The following PCDHGA4 variants were observed in gnomAD, a reference collection of about 807,000 sequenced individuals.
PCDHGA4 encodes the protein protocadherin gamma subfamily A, 4.
In PCDHGA4, 38 loss-of-function variants were observed where a neutral mutation model predicts 54.6. That is an observed-to-expected ratio of 0.70 (90% confidence interval 0.54 to 0.91). The LOEUF is 0.91. Ranked by LOEUF, PCDHGA4 falls within the 40% of genes least tolerant of loss-of-function variation. The pLI is 0.00. For missense variants in PCDHGA4, 1,298 were observed against 1,220.9 expected, an observed-to-expected ratio of 1.06 and a Z score of -0.94; for synonymous variants, 511 against 512.9, an observed-to-expected ratio of 1.00 and a Z score of 0.05.
rs1342517284 is a variant in PCDHGA4 at position 141,383,674 on chromosome 5, A to G, written c.2514+26053A>G. ...TGTCCCCGAGAATGTGCCAGTGGGT[A>G]CAAGACTGCTCACGGTACATGCTAT... On this transcript the variant is annotated intron_variant, in intron 1 of 3. Coordinates refer to ENST00000571252, the MANE Select transcript of PCDHGA4 (RefSeq NM_018917.4). 9.3e-6 allele frequency: 15 copies of G among 1,614,034 alleles called. No individual in the cohort carries two copies. The East Asian group carries it at 3.3e-4, about 36-fold the overall frequency.
At chr5:141,372,748 C>T (rs771861396) in intron 1 of PCDHGA4, 2 of 1,613,132 alleles carry the variant, frequency 1.2e-6, no homozygotes, top group East Asian at 2.2e-5. Context: ...TGTGATGAAG[C>T]CTCTTGGTTT....
intron 1 of PCDHGA4, chr5:141,375,694 C>T (rs2150065576): frequency 1.2e-6 from 2 of 1,614,232 alleles, no homozygotes; most frequent in African/African-American, 2.7e-5. Context: ...CCAGCGACAG[C>T]GGGGACCCGC....
intron 1 of PCDHGA4, among the ~76,000 whole-genome samples, chr5:141,459,014 T>G (rs1429233660): frequency 6.6e-6 from 1 of 152,240 alleles, no homozygotes; most frequent in Non-Finnish European, 1.5e-5. Flanking sequence ...ATTACAGGCA[T>G]GAGCCACCAC....
chr5:141,394,397 G>A, intron 1 of PCDHGA4: 1 of 1,614,212 alleles, frequency 6.2e-7, no homozygotes, highest in Non-Finnish European at 8.5e-7. Flanking sequence ...TCCGAGACCT[G>A]CAGCTACTGG....
Position 141,422,340 on chromosome 5 carries a change from T to C in PCDHGA4, c.2514+64719T>C, listed in dbSNP as rs776306472. ...CAGGTACAGTGATTGCTCTTCTAAA[T>C]GTGCAAGATCAAGATTCTGGAGAAA... On this transcript the variant is annotated intron_variant, in intron 1 of 3. Transcript: ENST00000571252. 2.6e-6 allele frequency: 4 copies of C among 1,550,190 alleles called. 1 individual carries two copies. Among genetic ancestry groups the C allele is most frequent in the Non-Finnish European group, 3.5e-6 (4 of 1,154,238 alleles).
chr5:141,408,870 G>A (rs780987841), intron 1 of PCDHGA4: 1 of 1,613,656 alleles, frequency 6.2e-7, no homozygotes, highest in South Asian at 1.1e-5. Context: ...CCACCAAGAA[G>A]TGCCACCGCT....
At chr5:141,507,132 C>T (rs748716107) in intron 3 of PCDHGA4, 2 of 152,188 alleles carry the variant, frequency 1.3e-5, no homozygotes, top group African/African-American at 2.4e-5. Flanking sequence ...GATCCAGCCT[C>T]GGCTTCTCTA....
chr5:141,409,328 T>A, intron 1 of PCDHGA4: 3 of 1,613,926 alleles, frequency 1.9e-6, no homozygotes, highest in Non-Finnish European at 2.5e-6. Context: ...GGATCTGGAT[T>A]TCGGAGGAAA....
At chr5:141,372,101 C>G (rs984585015) in intron 1 of PCDHGA4, 15 of 1,613,794 alleles carry the variant, frequency 9.3e-6, no homozygotes, top group Non-Finnish European at 1.3e-5. Flanking sequence ...CTCTGGGGCC[C>G]GAAGGCTCTG....
rs765969768 is a variant in PCDHGA4, at chr5:141,421,456, G to A, written c.2514+63835G>A. ...CTCCAGAGGGAAGACACAGCTTTTC[G>A]CTGTGAATCCGCGAAGCGGCAGCTT... is the stretch of plus-strand genomic sequence containing the variant. On this transcript the variant is annotated intron_variant, in intron 1 of 3. Transcript: ENST00000571252. 9.3e-6 allele frequency: 15 copies of A among 1,614,132 alleles called. No homozygotes were observed. Among genetic ancestry groups the A allele is most frequent in the Non-Finnish European group, 1.1e-5 (13 of 1,179,948 alleles).
chr5:141,500,574 G>A (rs2099801457), intron 2 of PCDHGA4, among the ~76,000 whole-genome samples: 1 of 152,164 alleles, frequency 6.6e-6, no homozygotes, highest in African/African-American at 2.4e-5. Context: ...ACACTTTCAT[G>A]TGACACTTTA....
rs558972594 is a variant in PCDHGA4 at position 141,485,292 on chromosome 5, A to G, written c.2515-9515A>G. ...CGCTACCCGGTCCCAGAGGAGTCAC[A>G]GGAAGGGACTTTTGTAGGGAATGTC... On this transcript the variant is annotated intron_variant, in intron 1 of 3. Coordinates refer to ENST00000571252, the MANE Select transcript of PCDHGA4 (RefSeq NM_018917.4). The surrounding 1 kb of genome is among the most constrained non-coding windows in gnomAD (Gnocchi z 5.7). 1 of 1,614,120 alleles carries G rather than the reference A, an allele frequency of 6.2e-7. No individual in the cohort carries two copies. Among genetic ancestry groups the G allele is most frequent in the African/African-American group, 1.3e-5 (1 of 75,058 alleles).
chr5:141,487,196 G>A lies in PCDHGA4; in HGVS notation c.2515-7611G>A. On this transcript the variant is annotated intron_variant, in intron 1 of 3. Coordinates refer to ENST00000571252, the MANE Select transcript of PCDHGA4 (RefSeq NM_018917.4). This position sits in a 1 kb window ranked among gnomAD's most constrained non-coding sequence, Gnocchi z 5.0. Reference sequence around the variant, plus strand: ...GGAAGACACTCATCCAGTTGTCCCAGATCTTCGAGAATCTTCAGCTCCAAG... The same window carrying A: ...GGAAGACACTCATCCAGTTGTCCCAAATCTTCGAGAATCTTCAGCTCCAAG... The A allele has an allele frequency of 1.2e-6, 2 of 1,613,878 alleles. No homozygotes were observed. The highest frequency in any genetic ancestry group is 8.5e-7 in the Non-Finnish European group (1 of 1,179,796).
chr5:141,379,614 A>G (rs947547089), intron 1 of PCDHGA4: 1 of 152,204 alleles, frequency 6.6e-6, no homozygotes, highest in African/African-American at 2.4e-5. Context: ...TTTCATTTAA[A>G]CAAATAAAAT....
intron 1 of PCDHGA4, among the ~76,000 whole-genome samples, chr5:141,381,826 C>CTTCTTTT (rs1777532522): frequency 2.4e-4 from 18 of 74,296 alleles, no homozygotes; most frequent in Admixed American, 1.2e-3. Context: ...CTTTCTTCTT[C>CTTCTTTT]TTTTTTTTTT....
chr5:141,404,195 G>A (rs1472875979), intron 1 of PCDHGA4: 1 of 1,613,400 alleles, frequency 6.2e-7, no homozygotes, highest in East Asian at 2.2e-5. Context: ...CCGAGAAAAA[G>A]CCTCAGAATA....
intron 1 of PCDHGA4, among the ~76,000 whole-genome samples, chr5:141,463,377 G>T (rs1161419035): frequency 2.7e-5 from 4 of 147,358 alleles, no homozygotes; most frequent in Non-Finnish European, 3.0e-5. Flanking sequence ...CCCACAGTCT[G>T]AAAGTTGTCT....
chr5:141,403,945 A>G (rs745421734), intron 1 of PCDHGA4: 48 of 1,613,810 alleles, frequency 3.0e-5, no homozygotes, highest in Non-Finnish European at 3.9e-5. Context: ...AAGGGTGGAC[A>G]AAAGTGCTCA....
chr5:141,399,677 A>G, intron 1 of PCDHGA4: 1 of 1,613,540 alleles, frequency 6.2e-7, no homozygotes, highest in Non-Finnish European at 8.5e-7. Flanking sequence ...CGCGCCTTTG[A>G]CTACGAGCAG....
Sources: allele counts gnomAD v4.1 joint callset (sites outside exome capture counted in the v4.1 genomes callset), GRCh38; gene constraint gnomAD v4.1.1; non-coding constraint Gnocchi (gnomAD v3.1); transcripts MANE v1.5; gene names NCBI Gene and HGNC (gene_info 2026-07-23, HGNC 2026-07-21).